The following BCAT1 variants were observed in gnomAD, a reference collection of about 807,000 sequenced individuals.
BCAT1 encodes the protein branched chain amino acid transaminase 1, also known as branched-chain-amino-acid aminotransferase, cytosolic.
Under a neutral mutation model 52.4 loss-of-function variants are expected in BCAT1, and 48 were observed. The observed-to-expected ratio is 0.92, with a 90% CI of 0.73 to 1.16. BCAT1 has a LOEUF of 1.16. Among genes scored for constraint, BCAT1 ranks in the 50% most tolerant of loss-of-function variants. BCAT1 has a pLI of 0.00. For synonymous variants in BCAT1, 167 were observed against 161.3 expected, an observed-to-expected ratio of 1.04 and a Z score of -0.27; for missense variants, 451 against 457.1, an observed-to-expected ratio of 0.99 and a Z score of 0.12.
chr12:24,909,201 C>G, intron 1 of BCAT1, among the ~76,000 whole-genome samples: 1 of 152,000 alleles, frequency 6.6e-6, no homozygotes, highest in Non-Finnish European at 1.5e-5. Context: ...AAATAAGGCC[C>G]AGTTTGGTTC....
chr12:24,914,843 A>T (rs918646887), intron 1 of BCAT1, among the ~76,000 whole-genome samples: 1 of 152,224 alleles, frequency 6.6e-6, no homozygotes, highest in East Asian at 1.9e-4. Flanking sequence ...ATTAGGAAAC[A>T]TTAGTTTGGA....
At chr12:24,883,047 G>T (rs1473607994) in intron 3 of BCAT1, among the ~76,000 whole-genome samples, 2 of 152,094 alleles carry the variant, frequency 1.3e-5, no homozygotes, top group Admixed American at 6.5e-5. Flanking sequence ...AACACGTTGG[G>T]AGGCCAAGGC....
chr12:24,837,483 G>A (rs1159826911), intron 7 of BCAT1, among the ~76,000 whole-genome samples: 1 of 147,314 alleles, frequency 6.8e-6, no homozygotes, highest in Non-Finnish European at 1.5e-5. Flanking sequence ...CTGGAGTGCA[G>A]TGGCACCATC....
chr12:24,866,589 T>G (rs1051690210), intron 5 of BCAT1, among the ~76,000 whole-genome samples: 3 of 152,214 alleles, frequency 2.0e-5, no homozygotes, highest in Admixed American at 2.0e-4. Flanking sequence ...TTGGAGAATC[T>G]TTACGTCTGG....
At chr12:24,939,098 T>C (rs1217792469) in intron 1 of BCAT1, among the ~76,000 whole-genome samples, 1 of 152,188 alleles carries the variant, frequency 6.6e-6, no homozygotes, top group East Asian at 1.9e-4. Flanking sequence ...AGTCTCGAAC[T>C]CCTGGCCTCA....
At chr12:24,922,245 G>A (rs1943509006) in intron 1 of BCAT1, among the ~76,000 whole-genome samples, 1 of 152,128 alleles carries the variant, frequency 6.6e-6, no homozygotes, top group Non-Finnish European at 1.5e-5. Flanking sequence ...GCGTACTACA[G>A]CCTTGAACTC....
intron 5 of BCAT1, among the ~76,000 whole-genome samples, chr12:24,864,692 C>T (rs1941953046): frequency 6.6e-6 from 1 of 152,184 alleles, no homozygotes; most frequent in Admixed American, 6.5e-5. Context: ...CTATCCCATT[C>T]CAGGGAGGCG....
At chr12:24,936,169 A>C (rs544509475) in intron 1 of BCAT1, among the ~76,000 whole-genome samples, 2 of 152,326 alleles carry the variant, frequency 1.3e-5, no homozygotes, top group South Asian at 2.1e-4. Flanking sequence ...AGGTACCAAA[A>C]TCTGTATTCG....
chr12:24,846,279 TA>T (rs1402598845), intron 6 of BCAT1, among the ~76,000 whole-genome samples: 3 of 152,220 alleles, frequency 2.0e-5, no homozygotes, highest in African/African-American at 7.2e-5. Context: ...AGATGGTCTT[TA>T]TTCCCCCAAA....
chr12:24,909,626 T>C (rs965441872), intron 1 of BCAT1, among the ~76,000 whole-genome samples: 1 of 152,218 alleles, frequency 6.6e-6, no homozygotes, highest in African/African-American at 2.4e-5. Context: ...CAGGTGTTTC[T>C]TGGCTTGCAG....
intron 8 of BCAT1, chr12:24,834,810 G>GA: frequency 8.8e-7 from 1 of 1,138,180 alleles, no homozygotes. Flanking sequence ...TCTGTGTCCT[G>GA]AAAAAGAAAA....
chr12:24,887,425 C>A (rs754686542), intron 3 of BCAT1, among the ~76,000 whole-genome samples: 2 of 152,160 alleles, frequency 1.3e-5, no homozygotes, highest in Non-Finnish European at 2.9e-5. Context: ...CACACACACA[C>A]ATGCACACAA....
chr12:24,863,560 T>C (rs1471528761), intron 5 of BCAT1, among the ~76,000 whole-genome samples: 1 of 152,216 alleles, frequency 6.6e-6, no homozygotes, highest in Admixed American at 6.5e-5. Context: ...GATTTTAGAA[T>C]GAATTATTTA....
At chr12:24,834,950 A>G (rs1295304409) in intron 8 of BCAT1, 1 of 221,878 alleles carries the variant, frequency 4.5e-6, no homozygotes, top group African/African-American at 2.3e-5. Flanking sequence ...TTCACGTCTC[A>G]TGTTTTAAAA....
At chr12:24,934,411 C>T (rs569379699) in intron 1 of BCAT1, among the ~76,000 whole-genome samples, 10 of 152,262 alleles carry the variant, frequency 6.6e-5, no homozygotes, top group Non-Finnish European at 1.2e-4. Flanking sequence ...AGTGTGAAAA[C>T]GGACTAATAC....
At chr12:24,913,495 AC>A (rs1163967068) in intron 1 of BCAT1, among the ~76,000 whole-genome samples, 2 of 151,820 alleles carry the variant, frequency 1.3e-5, no homozygotes, top group African/African-American at 4.8e-5. Flanking sequence ...TGAAACTGGA[AC>A]CCCCCTTCCA....
At chr12:24,928,118 T>G (rs1478192255) in intron 1 of BCAT1, among the ~76,000 whole-genome samples, 1 of 152,206 alleles carries the variant, frequency 6.6e-6, no homozygotes. Flanking sequence ...TCTCTAAAAT[T>G]ATTTATTATG....
intron 9 of BCAT1, among the ~76,000 whole-genome samples, 174 bp from the exon 10 acceptor site, chr12:24,830,071 A>C (rs1403510401): frequency 1.3e-5 from 2 of 152,230 alleles, no homozygotes; most frequent in African/African-American, 4.8e-5. Flanking sequence ...TTCATATCCA[A>C]AATTTGAATA....
intron 1 of BCAT1, among the ~76,000 whole-genome samples, chr12:24,942,949 G>A (rs1274166417): frequency 2.6e-5 from 4 of 152,198 alleles, no homozygotes; most frequent in Non-Finnish European, 5.9e-5. Flanking sequence ...AACTAAAAGT[G>A]GAGATTTTCA....
Sources: gnomAD v4.1 joint callset for allele counts (sites outside exome capture counted in the v4.1 genomes callset) on GRCh38, gnomAD v4.1.1 for gene constraint, MANE v1.5 for transcripts, NCBI Gene and HGNC (gene_info 2026-07-23, HGNC 2026-07-21) for gene names.